The following PGAP6 variants were observed in gnomAD, a reference collection of about 807,000 sequenced individuals.
The protein encoded by PGAP6 is post-GPI attachment to proteins 6.
A neutral mutation model predicts 68.4 loss-of-function variants in PGAP6; 62 were observed. The observed-to-expected ratio is 0.91, with a 90% CI of 0.74 to 1.12. The LOEUF is 1.12. PGAP6 is among the 50% of genes most tolerant of loss of function. The pLI, the probability that PGAP6 is intolerant of heterozygous loss-of-function variation, is 0.00. For synonymous variants in PGAP6, 575 were observed against 474.0 expected (o/e 1.21, Z -2.77); for missense variants, 1,188 against 1,068.5 (o/e 1.11, Z -1.56).
chr16:377,468 G>A lies in PGAP6; in HGVS notation c.417C>T (p.Ser139=). ...GGTGGGAAACGTTGACGGAGGCATT[G>A]CTTCTCGGTGTGGTGCTCAGCGGCA... The part of the protein sequence containing the change: ...VGVPLSTTPR[S]NASVNVSHPA... The change falls in exon 3 of 13, where the codon AGC becomes AGT. Residue 139 remains serine (S), a synonymous_variant. Transcript: ENST00000431232. 1.2e-6 allele frequency: 2 copies of A among 1,610,674 alleles called. No homozygotes were observed. Among genetic ancestry groups the A allele is most frequent in the Non-Finnish European group, 1.7e-6 (2 of 1,179,070 alleles).
intron 9 of PGAP6, 63 bp from the exon 10 acceptor site, chr16:374,462 C>T (rs1350384529): frequency 6.9e-7 from 1 of 1,456,830 alleles, no homozygotes; most frequent in Non-Finnish European, 9.1e-7. Flanking sequence ...GCCCACCCCT[C>T]ACCCAGGACC....
Position 377,076 on chromosome 16 carries a change from G to A in PGAP6, c.596C>T (p.Pro199Leu). Residue 199 changes from proline (P) to leucine (L), a missense_variant, in exon 4 of 13, where the codon CCC becomes CTC. Physicochemically the swap from Pro to Leu is moderately conservative, Grantham distance 98 (BLOSUM62 -3). Coordinates refer to ENST00000431232, the MANE Select transcript of PGAP6 (RefSeq NM_021259.3). ...ATGGGAGAGGAGGGTCTGAGGAAGGGGCACGTCCGGCTCCATGATGGAAAT... is the reference window on the plus strand; with the variant it reads ...ATGGGAGAGGAGGGTCTGAGGAAGGAGCACGTCCGGCTCCATGATGGAAAT... ...VEISIMEPDV[P>L]LPQTLLSHPS... 3 of 1,613,490 alleles carry A rather than the reference G, an allele frequency of 1.9e-6. No homozygotes were observed. Among genetic ancestry groups the A allele is most frequent in the Non-Finnish European group, 2.5e-6 (3 of 1,179,994 alleles).
At chr16:383,559 G>A (rs2054462690), upstream of PGAP6, 1 of 152,302 alleles carries the variant, frequency 6.6e-6, no homozygotes, top group Non-Finnish European at 1.5e-5. Context: ...GCGTGGCCGA[G>A]ACAGGAAAGA....
chr16:377,055 G>T lies in PGAP6; in HGVS notation c.617C>A (p.Ser206Tyr). 6.2e-7 allele frequency: 1 copy of T among 1,613,216 alleles called. No individual in the cohort carries two copies. The highest frequency in any genetic ancestry group is 8.5e-7 in the Non-Finnish European group (1 of 1,179,956). ...CGCTCACTTGAGGTAGCTGGGATGGGAGAGGAGGGTCTGAGGAAGGGGCAC... is the reference window on the plus strand; with the variant it reads ...CGCTCACTTGAGGTAGCTGGGATGGTAGAGGAGGGTCTGAGGAAGGGGCAC... ...PDVPLPQTLL[S>Y]HPSYLKVFVP... is the part of the protein sequence containing the mutation. The change falls in exon 4 of 13, where the codon TCC becomes TAC. Residue 206 changes from serine to tyrosine, a missense_variant. Transcript: ENST00000431232.
chr16:372,413 A>AG, intron 12 of PGAP6, 130 bp from the exon 13 acceptor site: 2 of 1,092,352 alleles, frequency 1.8e-6, no homozygotes, highest in Non-Finnish European at 2.7e-6. Context: ...GGCTGCTTCG[A>AG]GGGGGCTCAA....
Position 372,677 on chromosome 16 carries a change from G to A in PGAP6, c.1953C>T (p.Asp651=). ...TLVIAMSLQL[D]RRGMWNMLGP... ...CCAGCATGTTCCACATGCCCCTGCG[G>A]TCCAGCTGCAAGGACATGGCGATGA... is the stretch of plus-strand genomic sequence containing the variant. The change falls in exon 12 of 13, where the codon GAC becomes GAT. Residue 651 remains aspartate, a synonymous_variant. Transcript: ENST00000431232. 2 of 1,612,464 alleles carry A rather than the reference G, an allele frequency of 1.2e-6. No individual in the cohort carries two copies. The highest frequency in any genetic ancestry group is 1.7e-6 in the Non-Finnish European group (2 of 1,179,830).
chr16:384,115 A>G (rs931544034), upstream of PGAP6: 20 of 152,406 alleles, frequency 1.3e-4, no homozygotes, highest in African/African-American at 4.3e-4. Context: ...GACTGCACCC[A>G]GCAACCAAGG....
At chr16:386,927 G>C (rs556512692), upstream of PGAP6, 4 of 591,400 alleles carry the variant, frequency 6.8e-6, no homozygotes, top group African/African-American at 1.9e-5. Context: ...TGCGACGCCG[G>C]AGGCGGCCTG....
At chr16:385,077 A>T (rs1014286941), upstream of PGAP6, among the ~76,000 whole-genome samples, 4 of 150,338 alleles carry the variant, frequency 2.7e-5, no homozygotes, top group Non-Finnish European at 5.9e-5. Flanking sequence ...GAGGCAGGAG[A>T]ATCACTTGAA....
chr16:373,896 G>C, intron 11 of PGAP6, 109 bp downstream of exon 11: 1 of 1,349,406 alleles, frequency 7.4e-7, no homozygotes, highest in Non-Finnish European at 9.8e-7. Context: ...GGTTTCCAGG[G>C]GCCGTGCCCA....
upstream of PGAP6, chr16:382,534 A>G (rs367797589): frequency 2.3e-3 from 774 of 337,732 alleles, 8 homozygotes; most frequent in South Asian, 0.027. Context: ...GTGTTTAGGG[A>G]CTGTAGTACC....
intron 12 of PGAP6, 100 bp from the exon 13 acceptor site, chr16:372,383 G>A: frequency 7.5e-7 from 1 of 1,328,202 alleles, no homozygotes. Context: ...CCAGGTCTGG[G>A]CAGCAGAACG....
chr16:381,219 G>C (rs1260204381), intron 1 of PGAP6, among the ~76,000 whole-genome samples: 1 of 152,250 alleles, frequency 6.6e-6, no homozygotes, highest in Non-Finnish European at 1.5e-5. Context: ...GGCCGTACCA[G>C]GGCTGGGGGT....
At chr16:385,972 C>G (rs1237458235), upstream of PGAP6, among the ~76,000 whole-genome samples, 1 of 152,124 alleles carries the variant, frequency 6.6e-6, no homozygotes, top group Non-Finnish European at 1.5e-5. Context: ...AATGTGTCTT[C>G]AGAAGGAATG....
intron 11 of PGAP6, among the ~76,000 whole-genome samples, 196 bp downstream of exon 11, chr16:373,809 A>C (rs117037628): frequency 6.6e-6 from 1 of 151,624 alleles, no homozygotes; most frequent in Non-Finnish European, 1.5e-5. Flanking sequence ...ATGCTCGGCC[A>C]AGGCATTACA....
At chr16:379,234 G>A (rs1010802149) in intron 1 of PGAP6, among the ~76,000 whole-genome samples, 5 of 152,142 alleles carry the variant, frequency 3.3e-5, no homozygotes, top group Non-Finnish European at 5.9e-5. Flanking sequence ...GCTGGCTCAG[G>A]CCCAGGCCCC....
chr16:383,358 C>G (rs1361045595), upstream of PGAP6: 1 of 152,256 alleles, frequency 6.6e-6, no homozygotes, highest in African/African-American at 2.4e-5. Context: ...GGAACCCCCC[C>G]GACTTGTCCA....
intron 12 of PGAP6, 124 bp downstream of exon 12, chr16:372,487 G>T: frequency 2.0e-6 from 2 of 987,598 alleles, no homozygotes; most frequent in Non-Finnish European, 3.1e-6. Flanking sequence ...TGGGTGCCAT[G>T]GCAACCCCCA....
intron 9 of PGAP6, 60 bp downstream of exon 9, chr16:374,696 G>T: frequency 6.2e-7 from 1 of 1,600,460 alleles, no homozygotes; most frequent in Non-Finnish European, 8.5e-7. Flanking sequence ...GAAAGGCACA[G>T]CACAGCACTG....
Sources: gnomAD v4.1 joint callset for allele counts (sites outside exome capture counted in the v4.1 genomes callset) on GRCh38, gnomAD v4.1.1 for gene constraint, MANE v1.5 for transcripts, NCBI Gene and HGNC (gene_info 2026-07-23, HGNC 2026-07-21) for gene names.